The following SEPTIN11 variants were observed in gnomAD, a reference collection of about 807,000 sequenced individuals.
SEPTIN11 encodes the protein septin 11, also known as septin-11.
A neutral mutation model predicts 51.4 loss-of-function variants in SEPTIN11; 25 were observed. That is an observed-to-expected ratio of 0.49 (90% CI 0.35 to 0.68). The LOEUF (loss-of-function observed/expected upper bound fraction) is 0.68, where lower values mean the gene tolerates loss of function less well. SEPTIN11 is among the 30% of genes least tolerant of loss of function. The pLI, the probability that SEPTIN11 is intolerant of heterozygous loss-of-function variation, is 0.00. For synonymous variants in SEPTIN11, 174 were observed against 184.1 expected (o/e 0.95, Z 0.44); for missense variants, 381 against 520.8 (o/e 0.73, Z 2.61).
chr4:76,968,421 C>T (rs1722115835), intron 1 of SEPTIN11, among the ~76,000 whole-genome samples: 1 of 152,138 alleles, frequency 6.6e-6, no homozygotes, highest in Non-Finnish European at 1.5e-5. Context: ...AACCCAGCAT[C>T]CTCCCTTCTT....
At chr4:77,030,041 G>A (rs1160745954) in intron 8 of SEPTIN11, among the ~76,000 whole-genome samples, 2 of 151,794 alleles carry the variant, frequency 1.3e-5, no homozygotes, top group Non-Finnish European at 2.9e-5. Context: ...GGAGGATCAC[G>A]AGGTCAGGAG....
chr4:77,004,346 TG>T (rs1308639432), intron 2 of SEPTIN11, among the ~76,000 whole-genome samples: 2 of 152,224 alleles, frequency 1.3e-5, no homozygotes, highest in Non-Finnish European at 2.9e-5. Flanking sequence ...ACACTGAAGC[TG>T]GGAAAACTAT....
chr4:76,959,941 T>A (rs1188850703), intron 1 of SEPTIN11, among the ~76,000 whole-genome samples: 1 of 152,214 alleles, frequency 6.6e-6, no homozygotes, highest in Non-Finnish European at 1.5e-5. Flanking sequence ...AATAATCACA[T>A]CAGGGTAAAT....
At position 77,024,913 on chromosome 4, in the gene SEPTIN11, A is replaced by G. The variant is rs1578201147; in HGVS notation, c.954-3716A>G. 6.6e-6 allele frequency among the ~76,000 whole-genome samples: 1 copy of G among 152,152 alleles called. No individual in the cohort carries two copies. The highest frequency in any genetic ancestry group is 2.1e-4 in the South Asian group (1 of 4,832). ...AAGGATTAAATGAATTCACATGTGTATTGCTCCACTCCACAAAAGCTGGTG... is the reference window on the plus strand; with the variant it reads ...AAGGATTAAATGAATTCACATGTGTGTTGCTCCACTCCACAAAAGCTGGTG... On this transcript the variant is annotated intron_variant, in intron 7 of 9. Transcript: ENST00000264893. The surrounding 1 kb of genome is among the most constrained non-coding windows in gnomAD (Gnocchi z 4.2).
Position 77,031,182 on chromosome 4 carries a change from C to T in SEPTIN11, c.1274+212C>T, listed in dbSNP as rs936399493. On this transcript the variant is annotated intron_variant, in intron 9 of 9. Coordinates refer to ENST00000264893, the MANE Select transcript of SEPTIN11 (RefSeq NM_018243.4). ...ATTTATAAAACTTTACCACAATTGA[C>T]CAAGCAATCAGGCCTGGAGGAACCT... 5 of 517,366 alleles carry T rather than the reference C, an allele frequency of 9.7e-6. No homozygotes were observed. The Admixed American group carries it at 1.2e-4, about 13-fold the overall frequency. The allele number at this position is 517,366 out of a possible 1,614,324, so 32.0% of individuals were successfully genotyped here.
chr4:76,952,539 A>G (rs1366691764), intron 1 of SEPTIN11, among the ~76,000 whole-genome samples: 1 of 152,212 alleles, frequency 6.6e-6, no homozygotes, highest in Non-Finnish European at 1.5e-5. Flanking sequence ...AAATGCTTAC[A>G]TGTCAAATGC....
At chr4:76,991,360 G>C (rs1462599875) in intron 1 of SEPTIN11, among the ~76,000 whole-genome samples, 1 of 152,232 alleles carries the variant, frequency 6.6e-6, no homozygotes. Flanking sequence ...ACCCATGTCT[G>C]TCTGACTCTA....
intron 2 of SEPTIN11, among the ~76,000 whole-genome samples, chr4:76,997,024 A>G (rs539463421): frequency 2.9e-5 from 4 of 139,106 alleles, no homozygotes; most frequent in Admixed American, 1.5e-4. Flanking sequence ...GGATTACAGT[A>G]GCCACCATGC....
At chr4:77,016,399 C>T (rs552408522) in intron 5 of SEPTIN11, among the ~76,000 whole-genome samples, 12 of 148,454 alleles carry the variant, frequency 8.1e-5, no homozygotes, top group Admixed American at 4.7e-4. Flanking sequence ...CCATCAGCCT[C>T]GGCATCCATG....
At chr4:77,012,910 G>C (rs780077232) in intron 4 of SEPTIN11, among the ~76,000 whole-genome samples, 14 of 151,664 alleles carry the variant, frequency 9.2e-5, no homozygotes, top group African/African-American at 2.0e-4. Context: ...AGTACTCTTC[G>C]CAGAATAAAT....
chr4:77,034,800 T>C lies in SEPTIN11; in HGVS notation c.*288T>C. The C allele has an allele frequency of 9.0e-7, 1 of 1,117,302 alleles. No individual in the cohort carries two copies. The highest frequency in any genetic ancestry group is 1.1e-6 in the Non-Finnish European group (1 of 915,272). 69.2% of individuals were successfully genotyped at this position (1,117,302 alleles called of 1,614,324 possible). On this transcript the variant is annotated 3_prime_UTR_variant, in exon 10 of 10. Transcript: ENST00000264893. ...GGCAGCACGAAGCAGGCCTGTTACT[T>C]GTATGTCGCTTTGGACAGAGGAAAG... is the stretch of plus-strand genomic sequence containing the variant.
intron 9 of SEPTIN11, chr4:77,032,028 A>G (rs964709754): frequency 2.0e-5 from 3 of 152,204 alleles, no homozygotes; most frequent in Non-Finnish European, 2.9e-5. Flanking sequence ...CTGCACAATA[A>G]TTGAGATGTG....
intron 8 of SEPTIN11, among the ~76,000 whole-genome samples, chr4:77,030,432 C>CT (rs1197477251): frequency 1.3e-5 from 2 of 152,240 alleles, no homozygotes; most frequent in East Asian, 3.9e-4. Context: ...GACGGAGTCT[C>CT]TGTCACCCAG....
At chr4:77,018,469 T>C (rs1229038528) in intron 5 of SEPTIN11, among the ~76,000 whole-genome samples, 1 of 152,116 alleles carries the variant, frequency 6.6e-6, no homozygotes, top group Non-Finnish European at 1.5e-5. Flanking sequence ...AAAAAGATAT[T>C]TTAATGTAGG....
chr4:76,994,318 A>G (rs930119181), intron 1 of SEPTIN11, among the ~76,000 whole-genome samples: 1 of 152,166 alleles, frequency 6.6e-6, no homozygotes, highest in African/African-American at 2.4e-5. Context: ...TGTGGTAAAC[A>G]CCTTAAAAAC....
Position 77,030,807 on chromosome 4 carries a change from A to C in SEPTIN11, c.1111A>C (p.Lys371Gln). 1 of 1,599,426 alleles carries C rather than the reference A, an allele frequency of 6.3e-7. No homozygotes were observed. Among genetic ancestry groups the C allele is most frequent in the Non-Finnish European group, 8.5e-7 (1 of 1,176,906 alleles). ...KELHEKFDLL[K>Q]RTHQEEKKKV... ...GCTTCACGAGAAGTTTGACCTTCTA[A>C]AGCGGACACACCAAGAAGAAAAGAA... Residue 371 changes from lysine to glutamine, a missense_variant, in exon 9 of 10, where the codon AAG becomes CAG. Coordinates refer to ENST00000264893, the MANE Select transcript of SEPTIN11 (RefSeq NM_018243.4).
rs1288198809 is a variant in SEPTIN11, at chr4:77,034,870, C to T, written c.*358C>T. The T allele has an allele frequency of 5.9e-6, 6 of 1,011,752 alleles. No homozygotes were observed. Among genetic ancestry groups the T allele is most frequent in the East Asian group, 9.4e-5 (1 of 10,644 alleles). 62.7% of individuals were successfully genotyped at this position (1,011,752 alleles called of 1,614,324 possible). ...TACGTCTGACATGAAAACTTCTCAC[C>T]GCCTCAGCAGCTGAACTAAAAACCT... On this transcript the variant is annotated 3_prime_UTR_variant, in exon 10 of 10. Transcript: ENST00000264893.
At chr4:76,962,541 T>C (rs1721865626) in intron 1 of SEPTIN11, among the ~76,000 whole-genome samples, 1 of 152,224 alleles carries the variant, frequency 6.6e-6, no homozygotes, top group African/African-American at 2.4e-5. Flanking sequence ...GAATTACTGG[T>C]TTGTCCTGGG....
chr4:76,967,120 C>T (rs1722066006), intron 1 of SEPTIN11, among the ~76,000 whole-genome samples: 1 of 152,044 alleles, frequency 6.6e-6, no homozygotes, highest in Admixed American at 6.5e-5. Flanking sequence ...TTGCTTGAGT[C>T]CAGGAGGCAG....
Sources: allele counts gnomAD v4.1 joint callset (sites outside exome capture counted in the v4.1 genomes callset), GRCh38; gene constraint gnomAD v4.1.1; non-coding constraint Gnocchi (gnomAD v3.1); transcripts MANE v1.5; gene names NCBI Gene and HGNC (gene_info 2026-07-23, HGNC 2026-07-21).